Variants in UGT2B7 observed in about 807,000 individuals in gnomAD.
The protein encoded by UGT2B7 is UDP-glucuronosyltransferase 2B7.
UGT2B7 carries 51 observed loss-of-function variants against 51.9 expected under a neutral mutation model. That is an observed-to-expected ratio of 0.98 (90% CI 0.78 to 1.24). The LOEUF (loss-of-function observed/expected upper bound fraction) is 1.24, where lower values mean the gene tolerates loss of function less well. Ranked by LOEUF, UGT2B7 falls within the 50% of genes most tolerant of loss-of-function variation. The pLI, the probability that UGT2B7 is intolerant of heterozygous loss-of-function variation, is 0.00. For missense variants in UGT2B7, 727 were observed against 628.4 expected, an observed-to-expected ratio of 1.16 and a Z score of -1.68; for synonymous variants, 225 against 211.6, an observed-to-expected ratio of 1.06 and a Z score of -0.55.
chr4:69,067,135 G>A (rs1441189795), intron 1 of UGT2B7, among the ~76,000 whole-genome samples: 2 of 152,104 alleles, frequency 1.3e-5, no homozygotes, highest in Non-Finnish European at 2.9e-5. Flanking sequence ...TATCCACAGT[G>A]TTCTCTATTT....
intron 2 of UGT2B7, among the ~76,000 whole-genome samples, chr4:69,091,270 T>G (rs1297963859): frequency 6.6e-6 from 1 of 152,210 alleles, no homozygotes; most frequent in Non-Finnish European, 1.5e-5. Flanking sequence ...TTAGTCGGGG[T>G]CCACATAGGT....
At chr4:69,108,452 A>G (rs1719678586) in intron 5 of UGT2B7, 130 bp downstream of exon 5, 1 of 1,114,884 alleles carries the variant, frequency 9.0e-7, no homozygotes, top group Non-Finnish European at 1.2e-6. Context: ...CCAATCTGAA[A>G]TCTGCTTTTA....
At chr4:69,075,860 A>G (rs1718690766) in intron 1 of UGT2B7, among the ~76,000 whole-genome samples, 1 of 152,144 alleles carries the variant, frequency 6.6e-6, no homozygotes, top group South Asian at 2.1e-4. Flanking sequence ...TACATGTACC[A>G]TTGTGGTTTG....
At chr4:69,106,043 G>A (rs1719586839) in intron 3 of UGT2B7, among the ~76,000 whole-genome samples, 1 of 151,968 alleles carries the variant, frequency 6.6e-6, no homozygotes, top group African/African-American at 2.4e-5. Flanking sequence ...ATAAGGAATA[G>A]CTAAAATTTT....
intron 1 of UGT2B7, among the ~76,000 whole-genome samples, chr4:69,088,433 C>T (rs4694169): frequency 0.63 from 94,887 of 151,618 alleles, 31,157 homozygotes; most frequent in African/African-American, 0.81. Context: ...AAAAATTTTA[C>T]GGAGCATCTG....
At chr4:69,057,318 C>T (rs1309136427) in intron 1 of UGT2B7, among the ~76,000 whole-genome samples, 1 of 152,094 alleles carries the variant, frequency 6.6e-6, no homozygotes, top group Non-Finnish European at 1.5e-5. Flanking sequence ...AGAAGTTTTG[C>T]CTGTGGCTTG....
At chr4:69,061,382 T>C (rs1718343403) in intron 1 of UGT2B7, among the ~76,000 whole-genome samples, 1 of 152,110 alleles carries the variant, frequency 6.6e-6, no homozygotes, top group Non-Finnish European at 1.5e-5. Context: ...GCAGGAACAT[T>C]AGAGGCTAAA....
At chr4:69,051,821 C>T (rs1465920410) in intron 1 of UGT2B7, among the ~76,000 whole-genome samples, 2 of 152,192 alleles carry the variant, frequency 1.3e-5, no homozygotes, top group African/African-American at 4.8e-5. Context: ...TTTGACTTGA[C>T]TTGAATTGCT....
At chr4:69,083,413 C>G (rs978515480) in intron 1 of UGT2B7, among the ~76,000 whole-genome samples, 4 of 151,942 alleles carry the variant, frequency 2.6e-5, no homozygotes, top group African/African-American at 4.8e-5. Context: ...GTATTAGAAA[C>G]ATTTCTATTT....
chr4:69,107,282 A>C lies in UGT2B7; in HGVS notation c.1090+20A>C, dbSNP rs1719630926. 1.3e-6 allele frequency: 2 copies of C among 1,581,738 alleles called. No homozygotes were observed. The highest frequency in any genetic ancestry group is 4.5e-5 in the East Asian group (2 of 44,470). On this transcript the variant is annotated intron_variant, in intron 4 of 5. Transcript: ENST00000305231. ...TTCTAGGTAAGACTCTGGTGAACAA[A>C]TACTGAATATATTAGTAACAGCACA...
At chr4:69,052,569 C>CAAAAAA (rs1204317464) in intron 1 of UGT2B7, among the ~76,000 whole-genome samples, 9 of 64,688 alleles carry the variant, frequency 1.4e-4, no homozygotes, top group East Asian at 8.6e-4. Flanking sequence ...TGGTTATCTT[C>CAAAAAA]AAAAAAAAAA....
chr4:69,081,011 T>C (rs1718825446), intron 1 of UGT2B7, among the ~76,000 whole-genome samples: 1 of 152,128 alleles, frequency 6.6e-6, no homozygotes, highest in East Asian at 1.9e-4. Context: ...CTAATTCATA[T>C]CTTGAAACTC....
chr4:69,056,214 G>GA lies in UGT2B7; in HGVS notation c.-159+4618dup, dbSNP rs1454255733. ...TTAAAAAGATAATAAATGGCCCCCT[G>GA]AAAAAATCATACAATACTATGGACC... On this transcript the variant is annotated intron_variant, in intron 1 of 5. Transcript: ENST00000502942. Among the ~76,000 whole-genome samples, 119 of 152,226 alleles carry GA rather than the reference G, an allele frequency of 7.8e-4. 1 individual carries two copies. Among genetic ancestry groups the GA allele is most frequent in the Non-Finnish European group, 6.8e-4 (46 of 68,004 alleles).
At chr4:69,052,616 A>T (rs552209316) in intron 1 of UGT2B7, among the ~76,000 whole-genome samples, 1 of 152,062 alleles carries the variant, frequency 6.6e-6, no homozygotes, top group African/African-American at 2.4e-5. Context: ...AATTTACGTA[A>T]AAAGAGTGTT....
intron 3 of UGT2B7, among the ~76,000 whole-genome samples, chr4:69,106,901 T>G (rs770624440): frequency 2.3e-4 from 35 of 152,078 alleles, no homozygotes; most frequent in Non-Finnish European, 4.3e-4. Flanking sequence ...GTAGGTTTTC[T>G]TTTAAAAGGT....
intron 1 of UGT2B7, among the ~76,000 whole-genome samples, chr4:69,067,968 C>T (rs1257398259): frequency 6.6e-6 from 1 of 152,144 alleles, no homozygotes; most frequent in Admixed American, 6.5e-5. Flanking sequence ...ATTTTCAGCA[C>T]ACTTATGTTG....
chr4:69,064,112 A>AGAGAGAGAGAGAGAGAGAAAG, intron 1 of UGT2B7, among the ~76,000 whole-genome samples: 1 of 86,848 alleles, frequency 1.2e-5, no homozygotes, highest in East Asian at 4.4e-4. Flanking sequence ...GAAAGAAAGA[A>AGAGAGAGAGAGAGAGAGAAAG]AAAGAAAGAA....
Position 69,112,449 on chromosome 4 carries a change from T to C in UGT2B7, c.1311-8T>C. 6.2e-7 allele frequency: 1 copy of C among 1,610,300 alleles called. No homozygotes were observed. Among genetic ancestry groups the C allele is most frequent in the South Asian group, 1.1e-5 (1 of 90,498 alleles). On this transcript the variant is annotated splice_region_variant and splice_polypyrimidine_tract_variant and intron_variant, in intron 5 of 5. Coordinates refer to ENST00000305231, the MANE Select transcript of UGT2B7 (RefSeq NM_001074.4). ...TGCTACATTACTGTCTTTATTTTTA[T>C]CTTTCAGATATAAAGAGAATGTTAT...
chr4:69,072,474 T>C (rs1718621330), intron 1 of UGT2B7, among the ~76,000 whole-genome samples: 1 of 152,204 alleles, frequency 6.6e-6, no homozygotes, highest in African/African-American at 2.4e-5. Flanking sequence ...CAAGGACAAA[T>C]GCTTTATGTA....
Sources: allele counts gnomAD v4.1 joint callset (sites outside exome capture counted in the v4.1 genomes callset), GRCh38; gene constraint gnomAD v4.1.1; transcripts MANE v1.5; gene names NCBI Gene and HGNC (gene_info 2026-07-23, HGNC 2026-07-21).